Variants in TTC34 observed in about 807,000 individuals in gnomAD.
The protein encoded by TTC34 is tetratricopeptide repeat domain 34, also known as tetratricopeptide repeat protein 34.
Under a neutral mutation model 40.7 loss-of-function variants are expected in TTC34, and 44 were observed. That is an observed-to-expected ratio of 1.08 (90% CI 0.85 to 1.39). The LOEUF is 1.39. Among genes scored for constraint, TTC34 ranks in the 40% most tolerant of loss-of-function variants. The pLI is 0.00. For synonymous variants in TTC34, 422 were observed against 398.6 expected (o/e 1.06, Z -0.70); for missense variants, 884 against 838.0 (o/e 1.05, Z -0.68).
At chr1:2,782,077 C>T (rs976198125) in intron 6 of TTC34, among the ~76,000 whole-genome samples, 3 of 152,088 alleles carry the variant, frequency 2.0e-5, no homozygotes, top group South Asian at 2.1e-4. Context: ...TTTGAGGATT[C>T]GTGTTAGTTC....
At chr1:2,750,395 G>A (rs1174027024) in intron 6 of TTC34, among the ~76,000 whole-genome samples, 5 of 104,642 alleles carry the variant, frequency 4.8e-5, no homozygotes, top group East Asian at 3.7e-4. Flanking sequence ...GCCTGGAACA[G>A]CACGCACACC....
chr1:2,749,153 CA>C (rs1332930550), intron 6 of TTC34, among the ~76,000 whole-genome samples: 1 of 86,116 alleles, frequency 1.2e-5, no homozygotes, highest in Non-Finnish European at 2.1e-5. Context: ...CCTGGAACAG[CA>C]AACTGCACAC....
chr1:2,696,364 G>A (rs1017287998), intron 6 of TTC34, among the ~76,000 whole-genome samples: 34 of 88,522 alleles, frequency 3.8e-4, no homozygotes, highest in Non-Finnish European at 6.9e-4. Context: ...ACACCCCCAG[G>A]CGAGGATCGG....
chr1:2,768,618 A>T (rs1569749647), intron 6 of TTC34, among the ~76,000 whole-genome samples: 1 of 151,954 alleles, frequency 6.6e-6, no homozygotes. Context: ...ATGGTACCCC[A>T]CATGCAGGTG....
chr1:2,638,397 A>C (rs1199915482), exon 9 of TTC34: 2 of 152,070 alleles, frequency 1.3e-5, no homozygotes, highest in African/African-American at 2.4e-5. Context: ...GCTGGAAATG[A>C]CTCTACCAGT....
At chr1:2,642,687 C>T (rs984109388) in intron 8 of TTC34, among the ~76,000 whole-genome samples, 10 of 152,260 alleles carry the variant, frequency 6.6e-5, no homozygotes, top group Non-Finnish European at 1.3e-4. Context: ...GTGCAGGCCC[C>T]GCCTTTCTCG....
intron 6 of TTC34, among the ~76,000 whole-genome samples, chr1:2,769,402 T>A (rs1218702884): frequency 4.0e-4 from 11 of 27,734 alleles, no homozygotes; most frequent in Non-Finnish European, 5.4e-4. Flanking sequence ...GGTGAGCATC[T>A]GACAGCCTGG....
At chr1:2,786,472 G>T (rs888024199) in intron 4 of TTC34, among the ~76,000 whole-genome samples, 3 of 152,198 alleles carry the variant, frequency 2.0e-5, no homozygotes, top group African/African-American at 7.2e-5. Context: ...AGGGAGGGGA[G>T]TCGTGAGCCC....
exon 4 of TTC34, chr1:2,787,509 C>T (rs1643605862): frequency 1.3e-6 from 2 of 1,510,070 alleles, no homozygotes; most frequent in African/African-American, 1.4e-5. Flanking sequence ...GAAGCCCCTC[C>T]TCAGCTGCAG....
intron 6 of TTC34, among the ~76,000 whole-genome samples, chr1:2,691,768 A>T (rs1345913241): frequency 1.8e-4 from 11 of 60,060 alleles, no homozygotes; most frequent in East Asian, 5.8e-4. Context: ...CTGAACGCAA[A>T]TAGCAGCACC....
intron 6 of TTC34, among the ~76,000 whole-genome samples, chr1:2,755,827 C>A (rs1285858152): frequency 1.2e-4 from 11 of 93,744 alleles, no homozygotes; most frequent in African/African-American, 2.5e-4. Context: ...CCCACAACCA[C>A]AGGTGAGCAT....
intron 6 of TTC34, among the ~76,000 whole-genome samples, chr1:2,684,430 C>G (rs1350340400): frequency 2.8e-5 from 4 of 142,908 alleles, no homozygotes; most frequent in Non-Finnish European, 4.7e-5. Flanking sequence ...GGAACACCAC[C>G]CTGCACCCCC....
At chr1:2,652,067 T>G (rs1447229777) in intron 6 of TTC34, among the ~76,000 whole-genome samples, 1 of 97,344 alleles carries the variant, frequency 1.0e-5, no homozygotes, top group African/African-American at 3.8e-5. Flanking sequence ...TCTGACAGCC[T>G]GGAGGAGCAC....
chr1:2,676,963 C>CA (rs1639926795), intron 6 of TTC34, among the ~76,000 whole-genome samples: 2 of 116,668 alleles, frequency 1.7e-5, no homozygotes, highest in Admixed American at 8.2e-5. Context: ...GAACAGCACC[C>CA]TGCACCCCCA....
intron 2 of TTC34, among the ~76,000 whole-genome samples, chr1:2,797,744 G>A (rs1053452808): frequency 3.3e-5 from 5 of 152,064 alleles, no homozygotes; most frequent in South Asian, 2.1e-4. Context: ...TGAAGGGACC[G>A]GGCAGGAGCA....
At position 2,789,760 on chromosome 1, in the gene TTC34, GCACAGCGCGCGCA is replaced by G. The variant is rs1643640528; in HGVS notation, c.1358_1370del (p.Val453AlafsTer99). 1.6e-6 allele frequency: 1 copy of G among 636,402 alleles called. No individual in the cohort carries two copies. Among genetic ancestry groups the G allele is most frequent in the Non-Finnish European group, 2.4e-6 (1 of 418,506 alleles). The allele number at this position is 636,402 out of a possible 1,614,324, so 39.4% of individuals were successfully genotyped here. On this transcript the variant is annotated frameshift_variant, in exon 3 of 9. Coordinates refer to ENST00000401095, the Ensembl canonical transcript of TTC34. LOFTEE classifies it high-confidence loss of function. ...CCAGCACCCGCAGCAGTCCCCGGCC[GCACAGCGCGCGCA>G]CACAGCCCCCCGGGTGCGGCGCCCC...
chr1:2,786,430 G>T (rs1046078829), intron 4 of TTC34, among the ~76,000 whole-genome samples: 1 of 152,222 alleles, frequency 6.6e-6, no homozygotes, highest in African/African-American at 2.4e-5. Context: ...GCCAGGGACT[G>T]TGTGTCCCCA....
intron 6 of TTC34, among the ~76,000 whole-genome samples, chr1:2,686,942 C>A (rs532364302): frequency 2.0e-5 from 3 of 148,568 alleles, no homozygotes; most frequent in African/African-American, 7.7e-5. Flanking sequence ...GAGCATCGGA[C>A]AGCCTGGAGC....
chr1:2,758,345 G>C (rs1641574579), intron 6 of TTC34, among the ~76,000 whole-genome samples: 1 of 74,058 alleles, frequency 1.4e-5, no homozygotes. Context: ...GCGTGGAACA[G>C]CACCCTGCAC....
Sources: allele counts gnomAD v4.1 joint callset (sites outside exome capture counted in the v4.1 genomes callset), GRCh38; gene constraint gnomAD v4.1.1; transcripts MANE v1.5; gene names NCBI Gene and HGNC (gene_info 2026-07-23, HGNC 2026-07-21).